The following NLGN4Y variants were observed in gnomAD, a reference collection of about 807,000 sequenced individuals.
NLGN4Y encodes the protein neuroligin-4, Y-linked.
NLGN4Y carries 4 observed loss-of-function variants against 8.4 expected under a neutral mutation model. The ratio of observed to expected loss-of-function variants is 0.48; its 90% CI spans 0.23 to 1.09. The LOEUF is 1.09. NLGN4Y is among the 50% of genes least tolerant of loss of function. NLGN4Y has a pLI of 0.19. For synonymous variants in NLGN4Y, 35 were observed against 75.6 expected, an observed-to-expected ratio of 0.46 and a Z score of 2.78; for missense variants, 90 against 192.3, an observed-to-expected ratio of 0.47 and a Z score of 3.15.
At chrY:14,821,615 G>A in intron 4 of NLGN4Y, among the ~76,000 whole-genome samples, 1 of 33,337 alleles carries the variant, frequency 3.0e-5, no homozygotes, top group Non-Finnish European at 7.4e-5. Context: ...ACTACAGAGC[G>A]CTGATTGGTG....
chrY:14,696,139 C>A (rs963779679), intron 2 of NLGN4Y, among the ~76,000 whole-genome samples: 132 of 32,705 alleles, frequency 4.0e-3, no homozygotes, highest in Non-Finnish European at 5.8e-3. Context: ...GATAACATAA[C>A]CAAGGCAATA....
rs1293102029 is a variant in NLGN4Y at position 14,843,743 on chromosome Y, G to GA, written c.*2488dup. On this transcript the variant is annotated 3_prime_UTR_variant, in exon 7 of 7. Coordinates refer to ENST00000684976, the MANE Select transcript of NLGN4Y (RefSeq NM_001365588.1). ...GCTATTTATAGAAAACGAGAAAAAA[G>GA]AAAAAAATGAGAAACAAGTAAGAAA... 1 of 118,329 alleles carries GA rather than the reference G, an allele frequency of 8.5e-6. No individual in the cohort carries two copies. Among genetic ancestry groups the GA allele is most frequent in the Non-Finnish European group, 1.8e-5 (1 of 55,532 alleles). 29.5% of individuals were successfully genotyped at this position (118,329 alleles called of 400,897 possible).
chrY:14,578,670 G>A, intron 1 of NLGN4Y, among the ~76,000 whole-genome samples: 1 of 32,501 alleles, frequency 3.1e-5, no homozygotes, highest in Non-Finnish European at 7.5e-5. Flanking sequence ...TTACTATACA[G>A]TACCAAGGGG....
intron 4 of NLGN4Y, among the ~76,000 whole-genome samples, chrY:14,754,303 G>A: frequency 3.0e-5 from 1 of 33,056 alleles, no homozygotes; most frequent in Non-Finnish European, 7.4e-5. Flanking sequence ...GAACTCAGGA[G>A]GCAGAGGTTG....
intron 2 of NLGN4Y, among the ~76,000 whole-genome samples, chrY:14,685,682 C>T (rs2080787144): frequency 3.0e-5 from 1 of 33,430 alleles, no homozygotes; most frequent in Non-Finnish European, 7.4e-5. Context: ...CTCAGATATG[C>T]AAAGTACCTT....
chrY:14,729,425 A>G (rs535487101), intron 4 of NLGN4Y, among the ~76,000 whole-genome samples: 46 of 33,621 alleles, frequency 1.4e-3, no homozygotes, highest in African/African-American at 5.0e-3. Flanking sequence ...CTAGAGATAG[A>G]TTCATAAAAA....
At chrY:14,806,211 T>C in intron 4 of NLGN4Y, among the ~76,000 whole-genome samples, 2 of 33,127 alleles carry the variant, frequency 6.0e-5, no homozygotes, top group Non-Finnish European at 7.4e-5. Flanking sequence ...TAAAAACCTG[T>C]GCTTTTTTCC....
At chrY:14,733,430 T>C in intron 4 of NLGN4Y, 2 of 257,415 alleles carry the variant, frequency 7.8e-6, no homozygotes, top group Non-Finnish European at 5.9e-6. Flanking sequence ...AATTAATAAA[T>C]GTGATTTTCT....
chrY:14,815,875 T>C, intron 4 of NLGN4Y, among the ~76,000 whole-genome samples: 1 of 33,594 alleles, frequency 3.0e-5, no homozygotes, highest in Non-Finnish European at 7.4e-5. Context: ...GACCAACAAG[T>C]ATTGAAATCC....
intron 1 of NLGN4Y, among the ~76,000 whole-genome samples, chrY:14,592,013 G>A: frequency 1.2e-4 from 4 of 32,949 alleles, no homozygotes; most frequent in African/African-American, 4.8e-4. Context: ...GGTTGATAGA[G>A]AGATACACAG....
chrY:14,580,806 A>C, intron 1 of NLGN4Y, among the ~76,000 whole-genome samples: 1 of 20,827 alleles, frequency 4.8e-5, no homozygotes, highest in Non-Finnish European at 9.9e-5. Context: ...TACTGGGTGG[A>C]GGTGGCAGGA....
intron 2 of NLGN4Y, among the ~76,000 whole-genome samples, chrY:14,674,185 T>TA (rs2080738465): frequency 3.8e-4 from 7 of 18,619 alleles, no homozygotes; most frequent in South Asian, 1.1e-3. Context: ...TAAACTATAA[T>TA]AAAAAAAAAT....
chrY:14,610,662 G>A, intron 1 of NLGN4Y, among the ~76,000 whole-genome samples: 1 of 33,002 alleles, frequency 3.0e-5, no homozygotes, highest in Non-Finnish European at 7.5e-5. Flanking sequence ...ATGTGGTGCT[G>A]AGAAGAATGT....
intron 1 of NLGN4Y, among the ~76,000 whole-genome samples, chrY:14,553,862 G>A (rs2080203220): frequency 3.2e-5 from 1 of 31,446 alleles, no homozygotes; most frequent in Admixed American, 3.1e-4. Flanking sequence ...AGGTTGATAT[G>A]GTAGAAAATT....
chrY:14,713,721 A>G (rs543519072), intron 2 of NLGN4Y, among the ~76,000 whole-genome samples: 1 of 34,091 alleles, frequency 2.9e-5, no homozygotes, highest in Admixed American at 2.7e-4. Context: ...TTAAGGCATG[A>G]GCCACCATGT....
At chrY:14,559,472 T>G in intron 1 of NLGN4Y, among the ~76,000 whole-genome samples, 2 of 33,454 alleles carry the variant, frequency 6.0e-5, no homozygotes, top group Non-Finnish European at 1.5e-4. Context: ...TAAAATGCTT[T>G]GATTTCTTTT....
At position 14,752,038 on chromosome Y, in the gene NLGN4Y, C is replaced by A. The variant is rs369446172; in HGVS notation, c.685+28769C>A. 4.5e-3 allele frequency among the ~76,000 whole-genome samples: 149 copies of A among 33,023 alleles called. No individual in the cohort carries two copies. In the East Asian group the frequency reaches 0.067, roughly 15 times the overall value. The allele number at this position is 33,023 out of a possible 37,273, so 88.6% of individuals were successfully genotyped here. ...ACTTTGGGATTTTTGTTAATGGTATCTTTTCCTACTCCTAGATATGAAGAT... is the reference window on the plus strand; with the variant it reads ...ACTTTGGGATTTTTGTTAATGGTATATTTTCCTACTCCTAGATATGAAGAT... On this transcript the variant is annotated intron_variant, in intron 4 of 6. Transcript: ENST00000684976.
chrY:14,543,388 G>GA (rs2080157612), intron 1 of NLGN4Y, among the ~76,000 whole-genome samples: 1 of 33,814 alleles, frequency 3.0e-5, no homozygotes, highest in Non-Finnish European at 7.3e-5. Flanking sequence ...ATTCTTGTTG[G>GA]AAAAAACTGC....
At chrY:14,738,882 T>C (rs1057210877) in intron 4 of NLGN4Y, among the ~76,000 whole-genome samples, 4 of 32,457 alleles carry the variant, frequency 1.2e-4, no homozygotes, top group East Asian at 8.0e-4. Context: ...TTTGCTAATA[T>C]ATTTATCCAT....
Sources: allele counts gnomAD v4.1 joint callset (sites outside exome capture counted in the v4.1 genomes callset), GRCh38; gene constraint gnomAD v4.1.1; transcripts MANE v1.5; gene names NCBI Gene and HGNC (gene_info 2026-07-23, HGNC 2026-07-21).